FMO4: variants seen among roughly 807,000 people sequenced by gnomAD.
The protein encoded by FMO4 is dimethylaniline monooxygenase [N-oxide-forming] 4.
FMO4 carries 38 observed loss-of-function variants against 43.3 expected under a neutral mutation model. The observed-to-expected ratio is 0.88, with a 90% CI of 0.68 to 1.15. The LOEUF is 1.15. FMO4 is among the 50% of genes most tolerant of loss of function. The pLI, the probability that FMO4 is intolerant of heterozygous loss-of-function variation, is 0.00. For missense variants in FMO4, 631 were observed against 663.3 expected, an observed-to-expected ratio of 0.95 and a Z score of 0.54; for synonymous variants, 224 against 232.2, an observed-to-expected ratio of 0.96 and a Z score of 0.32.
chr1:171,317,822 C>T (rs536887910), intron 2 of FMO4, among the ~76,000 whole-genome samples: 2 of 152,134 alleles, frequency 1.3e-5, no homozygotes, highest in Non-Finnish European at 2.9e-5. Context: ...AAGGCATGAC[C>T]GTGACCAGCT....
intron 5 of FMO4, among the ~76,000 whole-genome samples, chr1:171,329,349 G>A (rs1458556025): frequency 3.3e-5 from 5 of 152,080 alleles, no homozygotes; most frequent in African/African-American, 1.2e-4. Context: ...CTCTCAGGCT[G>A]GCTACCTACA....
Position 171,323,101 on chromosome 1 carries a change from A to G in FMO4, c.230A>G (p.Asp77Gly). The part of the protein sequence containing the change: ...SCYSDFPFHE[D>G]YPNFMNHEKF... ...TACAGTGACTTCCCTTTCCACGAAG[A>G]TTATCCTAATTTCATGAACCATGAA... The change falls in exon 4 of 10, where the codon GAT (aspartate) becomes GGT (glycine). Residue 77 changes from aspartate to glycine, a missense_variant. Coordinates refer to ENST00000367749, the MANE Select transcript of FMO4 (RefSeq NM_002022.3). The G allele has an allele frequency of 6.2e-7, 1 of 1,613,478 alleles. No individual in the cohort carries two copies. The highest frequency in any genetic ancestry group is 8.5e-7 in the Non-Finnish European group (1 of 1,179,490).
At chr1:171,332,003 G>A (rs1662921654) in intron 6 of FMO4, among the ~76,000 whole-genome samples, 1 of 152,112 alleles carries the variant, frequency 6.6e-6, no homozygotes, top group Admixed American at 6.6e-5. Flanking sequence ...TCCAAGAAGG[G>A]TCTAGGAAAA....
intron 2 of FMO4, 76 bp from the exon 3 acceptor site, chr1:171,319,742 A>C: frequency 7.2e-7 from 1 of 1,388,372 alleles, no homozygotes; most frequent in African/African-American, 1.4e-5. Context: ...TAGCACTACA[A>C]AAATTGAGTC....
At chr1:171,335,327 T>A (rs1158918478) in intron 8 of FMO4, among the ~76,000 whole-genome samples, 1 of 152,186 alleles carries the variant, frequency 6.6e-6, no homozygotes, top group East Asian at 1.9e-4. Flanking sequence ...AAAATGGGGA[T>A]AATAAATCCC....
intron 9 of FMO4, among the ~76,000 whole-genome samples, chr1:171,337,914 A>G (rs190610359): frequency 4.1e-4 from 62 of 152,242 alleles, no homozygotes; most frequent in Non-Finnish European, 7.5e-4. Context: ...CTCTGACTCA[A>G]ATCTTTCTCC....
intron 5 of FMO4, among the ~76,000 whole-genome samples, chr1:171,324,972 A>T (rs1490571687): frequency 6.6e-6 from 1 of 152,124 alleles, no homozygotes; most frequent in Non-Finnish European, 1.5e-5. Context: ...TCTGGGCATG[A>T]TGGCTCATGC....
chr1:171,341,329 G>A, intron 9 of FMO4, 84 bp from the exon 10 acceptor site: 1 of 946,410 alleles, frequency 1.1e-6, no homozygotes, highest in Non-Finnish European at 1.6e-6. Flanking sequence ...TAACAAAATG[G>A]TGGGAGGATG....
chr1:171,322,019 C>G (rs1238044332), intron 3 of FMO4, among the ~76,000 whole-genome samples: 1 of 152,038 alleles, frequency 6.6e-6, no homozygotes, highest in Non-Finnish European at 1.5e-5. Context: ...TAATATAGAC[C>G]TATTTGTTTT....
At chr1:171,321,429 G>T (rs770808659) in intron 3 of FMO4, among the ~76,000 whole-genome samples, 20 of 151,924 alleles carry the variant, frequency 1.3e-4, no homozygotes, top group Admixed American at 3.3e-4. Context: ...CATAATATTT[G>T]CATGTAGCCT....
chr1:171,341,148 GAA>G (rs569046127), intron 9 of FMO4, among the ~76,000 whole-genome samples: 3 of 147,718 alleles, frequency 2.0e-5, no homozygotes, highest in Non-Finnish European at 3.0e-5. Context: ...CAACTTAACG[GAA>G]AAAAAAAAGT....
At position 171,334,742 on chromosome 1, in the gene FMO4, TGGGTC is replaced by T; in HGVS notation, c.1160_1164del (p.Trp387TyrfsTer9). The stretch of plus-strand genomic sequence containing the variant: ...ATCAGGCACAGAGCTCCAAGCACGA[TGGGTC>T]ACAAGAGTATTCAAAGGTACCATGA... On this transcript the variant is annotated frameshift_variant, in exon 8 of 10. Transcript: ENST00000367749. LOFTEE classifies it high-confidence loss of function. The T allele has an allele frequency of 6.3e-7, 1 of 1,587,004 alleles. No individual in the cohort carries two copies. Among genetic ancestry groups the T allele is most frequent in the Non-Finnish European group, 8.5e-7 (1 of 1,169,990 alleles).
intron 3 of FMO4, among the ~76,000 whole-genome samples, chr1:171,321,854 CGTG>C (rs1303074253): frequency 1.3e-5 from 2 of 152,102 alleles, no homozygotes; most frequent in African/African-American, 2.4e-5. Context: ...TCATCAAGTT[CGTG>C]GTAGAAGTAC....
intron 3 of FMO4, among the ~76,000 whole-genome samples, chr1:171,321,922 G>T (rs1478521255): frequency 6.6e-6 from 1 of 152,186 alleles, no homozygotes; most frequent in Non-Finnish European, 1.5e-5. Flanking sequence ...GGTCATGGAT[G>T]ACTTCTTAGA....
Position 171,342,054 on chromosome 1 carries a change from A to G in FMO4, c.*215A>G. 1 of 526,736 alleles carries G rather than the reference A, an allele frequency of 1.9e-6. No homozygotes were observed. The highest frequency in any genetic ancestry group is 2.6e-5 in the South Asian group (1 of 38,448). 32.6% of individuals were successfully genotyped at this position (526,736 alleles called of 1,614,324 possible). A position where few individuals can be genotyped will look rare whatever the true frequency, so the allele number is the denominator to read the frequency against. ...CTTCTACCCTGCTACCTCAGTGATT[A>G]TTCTAAAATAAATATATATGATATG... On this transcript the variant is annotated 3_prime_UTR_variant, in exon 10 of 10. Transcript: ENST00000367749.
At position 171,328,932 on chromosome 1, in the gene FMO4, A is replaced by C. The variant is rs573148992; in HGVS notation, c.485-2708A>C. Reference sequence around the variant, plus strand: ...TATAAGTCACCCAAAAACAAAAAAAAATCTCATTTTCATAACTAAAATGTC... The same window carrying C: ...TATAAGTCACCCAAAAACAAAAAAACATCTCATTTTCATAACTAAAATGTC... On this transcript the variant is annotated intron_variant, in intron 5 of 9. Transcript: ENST00000367749. Among the ~76,000 whole-genome samples, 8 of 152,164 alleles carry C rather than the reference A, an allele frequency of 5.3e-5. No homozygotes were observed. In the South Asian group the frequency reaches 1.7e-3, roughly 32 times the overall value.
intron 9 of FMO4, 66 bp from the exon 10 acceptor site, chr1:171,341,347 C>A: frequency 1.6e-6 from 2 of 1,222,730 alleles, no homozygotes; most frequent in South Asian, 1.4e-5. Context: ...ATGGGTGGGT[C>A]TGATAACTTG....
chr1:171,328,046 T>C (rs1234735383), intron 5 of FMO4, among the ~76,000 whole-genome samples: 1 of 152,114 alleles, frequency 6.6e-6, no homozygotes, highest in East Asian at 1.9e-4. Context: ...TCTTTATTTA[T>C]TTATTTATTT....
intron 5 of FMO4, among the ~76,000 whole-genome samples, chr1:171,329,258 G>T (rs1194724029): frequency 1.3e-5 from 2 of 152,118 alleles, no homozygotes; most frequent in Non-Finnish European, 2.9e-5. Context: ...GGCTTTGTCA[G>T]GTGGTGTCCC....
Sources: gnomAD v4.1 joint callset for allele counts (sites outside exome capture counted in the v4.1 genomes callset) on GRCh38, gnomAD v4.1.1 for gene constraint, MANE v1.5 for transcripts, NCBI Gene and HGNC (gene_info 2026-07-23, HGNC 2026-07-21) for gene names.